The following TEX29 variants were observed in gnomAD, a reference collection of about 807,000 sequenced individuals.
The protein encoded by TEX29 is testis expressed 29, also known as testis-expressed protein 29.
Under a neutral mutation model 18.2 loss-of-function variants are expected in TEX29, and 26 were observed. The observed-to-expected ratio is 1.43, with a 90% CI of 1.04 to 1.98. The LOEUF is 1.98. Ranked by LOEUF, TEX29 falls within the 30% of genes most tolerant of loss-of-function variation. The probability of loss-of-function intolerance (pLI) is 0.00; values close to 1 mark genes in which losing one functional copy is unlikely to be tolerated. For synonymous variants in TEX29, 83 were observed against 78.5 expected (o/e 1.06, Z -0.31); for missense variants, 177 against 194.2 (o/e 0.91, Z 0.53).
Position 111,320,964 on chromosome 13 carries a change from GCCA to G in TEX29, c.58+17_58+19del. 6.9e-7 allele frequency: 1 copy of G among 1,440,004 alleles called. No individual in the cohort carries two copies. Among genetic ancestry groups the G allele is most frequent in the Non-Finnish European group, 9.5e-7 (1 of 1,051,230 alleles). The allele number at this position is 1,440,004 out of a possible 1,614,324, so 89.2% of individuals were successfully genotyped here. On this transcript the variant is annotated intron_variant, in intron 2 of 5. Transcript: ENST00000283547. ...CAATTCACAGGTATGGAGGGAAGGC[GCCA>G]GGGGGGCGGGTGGGGTGGGGGAGCA...
intron 3 of TEX29, among the ~76,000 whole-genome samples, chr13:111,332,106 G>A (rs564429905): frequency 6.6e-6 from 1 of 152,176 alleles, no homozygotes; most frequent in South Asian, 2.1e-4. Context: ...AATTTGATTG[G>A]GGTTGTGTTG....
chr13:111,340,043 T>G (rs2093695455), intron 4 of TEX29, 111 bp downstream of exon 4: 1 of 965,464 alleles, frequency 1.0e-6, no homozygotes, highest in Non-Finnish European at 1.7e-6. Context: ...CTGGGGTGAC[T>G]GAGAACAGCT....
rs200978073 is a variant in TEX29 at position 111,320,922 on chromosome 13, C to T, written c.32C>T (p.Pro11Leu). The T allele has an allele frequency of 3.6e-5, 58 of 1,599,274 alleles. No homozygotes were observed. Among genetic ancestry groups the T allele is most frequent in the South Asian group, 1.2e-4 (11 of 90,730 alleles). ...TACGTGCTGGAAGTGAAGAACTCTC[C>T]GCGGCACCTCCTGAAGCAATTCACA... is the stretch of plus-strand genomic sequence containing the variant. The part of the protein sequence containing the change: MEYVLEVKNS[P>L]RHLLKQFTVC... Residue 11 changes from proline to leucine, a missense_variant, in exon 2 of 6, where the codon CCG becomes CTG. By Grantham distance (98) the Pro-to-Leu change is moderately conservative. Transcript: ENST00000283547.
chr13:111,335,537 T>A (rs2093688403), intron 3 of TEX29, among the ~76,000 whole-genome samples: 1 of 152,248 alleles, frequency 6.6e-6, no homozygotes, highest in African/African-American at 2.4e-5. Flanking sequence ...TGAGGTTTGC[T>A]GCTCACGTTG....
chr13:111,342,677 C>T (rs1314382007), intron 4 of TEX29, 79 bp from the exon 5 acceptor site: 12 of 1,423,784 alleles, frequency 8.4e-6, no homozygotes, highest in Non-Finnish European at 1.2e-5. Context: ...AGAGGGATGT[C>T]CTGGTGGGTG....
chr13:111,343,981 A>C (rs2093700773), intron 5 of TEX29, 102 bp from the exon 6 acceptor site: 2 of 962,884 alleles, frequency 2.1e-6, no homozygotes, highest in Admixed American at 2.0e-5. Flanking sequence ...AATCATTGCC[A>C]ATCAGACACC....
chr13:111,321,625 C>CAAAA (rs60423908), intron 2 of TEX29, among the ~76,000 whole-genome samples: 26 of 150,604 alleles, frequency 1.7e-4, no homozygotes, highest in African/African-American at 4.6e-4. Flanking sequence ...ACAACAAAAA[C>CAAAA]AAAAAAAAAC....
At chr13:111,321,848 C>T (rs552226674) in intron 2 of TEX29, among the ~76,000 whole-genome samples, 10 of 152,294 alleles carry the variant, frequency 6.6e-5, no homozygotes, top group East Asian at 1.9e-4. Context: ...CACTTGAACC[C>T]GGGAGGCAGA....
chr13:111,320,504 C>CT (rs895081356), upstream of TEX29, among the ~76,000 whole-genome samples: 2 of 152,188 alleles, frequency 1.3e-5, no homozygotes, highest in African/African-American at 4.8e-5. Context: ...TCTGAGTGGC[C>CT]TTCGTCCTCA....
At chr13:111,339,704 G>A (rs2093694588) in intron 3 of TEX29, among the ~76,000 whole-genome samples, 159 bp from the exon 4 acceptor site, 1 of 151,588 alleles carries the variant, frequency 6.6e-6, no homozygotes, top group African/African-American at 2.4e-5. Flanking sequence ...ACAGAGCTGA[G>A]TCTCCAGGAG....
chr13:111,323,856 T>TTCCTCC (rs773849102), intron 2 of TEX29, among the ~76,000 whole-genome samples: 6 of 152,194 alleles, frequency 3.9e-5, no homozygotes, highest in African/African-American at 1.4e-4. Context: ...CCTGCCCAGC[T>TTCCTCC]TCCTCCTCCT....
intron 2 of TEX29, among the ~76,000 whole-genome samples, chr13:111,322,015 A>G (rs1595683623): frequency 6.6e-6 from 1 of 152,216 alleles, no homozygotes; most frequent in Non-Finnish European, 1.5e-5. Context: ...GCTAGGGAGC[A>G]CCTCTCAGGC....
At chr13:111,343,024 C>T in intron 5 of TEX29, 93 bp downstream of exon 5, 2 of 1,430,152 alleles carry the variant, frequency 1.4e-6, no homozygotes, top group Non-Finnish European at 9.5e-7. Flanking sequence ...TCAACATCTA[C>T]ACAGGCCCTT....
rs983610206 is a variant in TEX29 at position 111,343,994 on chromosome 13, G to A, written c.416-89G>A. On this transcript the variant is annotated intron_variant, in intron 5 of 5. Coordinates refer to ENST00000283547, the MANE Select transcript of TEX29 (RefSeq NM_152324.3). ...TCAATCATTGCCAATCAGACACCATGTAGATGGGTTCAAAGATCCTGATGA... is the reference window on the plus strand; with the variant it reads ...TCAATCATTGCCAATCAGACACCATATAGATGGGTTCAAAGATCCTGATGA... 3 of 1,109,346 alleles carry A rather than the reference G, an allele frequency of 2.7e-6. No homozygotes were observed. The African/African-American group carries it at 4.6e-5, about 17-fold the overall frequency. 68.7% of individuals were successfully genotyped at this position (1,109,346 alleles called of 1,614,324 possible).
At chr13:111,332,458 A>G (rs890802105) in intron 3 of TEX29, among the ~76,000 whole-genome samples, 1 of 152,122 alleles carries the variant, frequency 6.6e-6, no homozygotes, top group Non-Finnish European at 1.5e-5. Flanking sequence ...TTTTTTGCAT[A>G]CAAGATCATG....
At chr13:111,325,565 G>T (rs1462998674) in intron 2 of TEX29, among the ~76,000 whole-genome samples, 1 of 152,212 alleles carries the variant, frequency 6.6e-6, no homozygotes, top group African/African-American at 2.4e-5. Context: ...CAACCTCAAA[G>T]CCTGTTAGGG....
upstream of TEX29, chr13:111,316,250 C>T (rs1331184142): frequency 2.0e-6 from 1 of 503,802 alleles, no homozygotes; most frequent in East Asian, 5.6e-5. Context: ...AGTAACAGTG[C>T]AGGCTCAGTA....
At chr13:111,335,618 A>G (rs2093688536) in intron 3 of TEX29, among the ~76,000 whole-genome samples, 1 of 152,266 alleles carries the variant, frequency 6.6e-6, no homozygotes, top group Non-Finnish European at 1.5e-5. Context: ...GACTTCTTAC[A>G]GAACTCCAGT....
chr13:111,321,006 A>ACAGGGGGGGGGGGGGGCG, intron 2 of TEX29, 58 bp downstream of exon 2: 1 of 880,962 alleles, frequency 1.1e-6, no homozygotes, highest in Admixed American at 2.5e-5. Flanking sequence ...GGGGGGGGGC[A>ACAGGGGGGGGGGGGGGCG]CAGGGAGGAG....
Sources: allele counts gnomAD v4.1 joint callset (sites outside exome capture counted in the v4.1 genomes callset), GRCh38; gene constraint gnomAD v4.1.1; transcripts MANE v1.5; gene names NCBI Gene and HGNC (gene_info 2026-07-23, HGNC 2026-07-21).